The following POLD2 variants were observed in gnomAD, a reference collection of about 807,000 sequenced individuals.
POLD2 encodes the protein DNA polymerase delta 2, accessory subunit.
POLD2 carries 31 observed loss-of-function variants against 48.8 expected under a neutral mutation model. The ratio of observed to expected loss-of-function variants is 0.64; its 90% CI spans 0.48 to 0.86. The LOEUF (loss-of-function observed/expected upper bound fraction) is 0.86. Ranked by LOEUF, POLD2 falls within the 40% of genes least tolerant of loss-of-function variation. The pLI, the probability that POLD2 is intolerant of heterozygous loss-of-function variation, is 0.00. For missense variants in POLD2, 455 were observed against 610.1 expected, an observed-to-expected ratio of 0.75 and a Z score of 2.68; for synonymous variants, 233 against 256.3, an observed-to-expected ratio of 0.91 and a Z score of 0.87.
At chr7:44,115,158 C>T in intron 10 of POLD2, 137 bp downstream of exon 10, 1 of 762,650 alleles carries the variant, frequency 1.3e-6, no homozygotes, top group Non-Finnish European at 2.2e-6. Flanking sequence ...GAAATGGCAG[C>T]TGTGCAGAAG....
At chr7:44,123,765 C>T, upstream of POLD2, 2 of 1,285,706 alleles carry the variant, frequency 1.6e-6, no homozygotes, top group Non-Finnish European at 2.0e-6. Flanking sequence ...CGCCGCGGGT[C>T]TTTGGTTGGC....
intron 4 of POLD2, 85 bp downstream of exon 4, chr7:44,117,534 C>G: frequency 1.3e-6 from 2 of 1,511,236 alleles, no homozygotes; most frequent in South Asian, 2.5e-5. Context: ...CCACTCCCCC[C>G]AGGCTCCCCA....
Position 44,121,793 on chromosome 7 carries a change from G to T in POLD2, c.220+41C>A, listed in dbSNP as rs769168045. 1.3e-6 allele frequency: 2 copies of T among 1,583,586 alleles called. No individual in the cohort carries two copies. The highest frequency in any genetic ancestry group is 1.1e-5 in the South Asian group (1 of 87,612). The stretch of plus-strand genomic sequence containing the variant: ...CTCTTGCAGAACACTTCTAAGTTCA[G>T]GGATGCTGTGGGGGAAGCACCTTCC... On this transcript the variant is annotated intron_variant, in intron 2 of 10. Transcript: ENST00000610533. The surrounding 1 kb of genome is among the most constrained non-coding windows in gnomAD (Gnocchi z 4.5).
rs747183827 is a variant in POLD2 at position 44,121,932 on chromosome 7, A to G, written c.122T>C (p.Leu41Pro). 3 of 1,613,690 alleles carry G rather than the reference A, an allele frequency of 1.9e-6. No homozygotes were observed. Among genetic ancestry groups the G allele is most frequent in the Non-Finnish European group, 8.5e-7 (1 of 1,180,028 alleles). Reference sequence around the variant, plus strand: ...CTGCCGGCTAAAGCTGCGCTCTCCTAGCCGGAAGGGTTGTGAGGAGTTGGT... The same window carrying G: ...CTGCCGGCTAAAGCTGCGCTCTCCTGGCCGGAAGGGTTGTGAGGAGTTGGT... Reference protein sequence around the residue: ...TYTNSSQPFRLGERSFSRQYA... With the variant: ...TYTNSSQPFRPGERSFSRQYA... The change falls in exon 2 of 11, where the codon CTA (leucine) becomes CCA (proline). Residue 41 changes from leucine (L) to proline (P), a missense_variant. Leu to Pro is a moderately conservative substitution (Grantham distance 98). Around this residue, in one of 3 missense-constraint regions of POLD2, gnomAD observed 349 missense variants for 437.4 expected, o/e 0.80. Transcript: ENST00000610533. The surrounding 1 kb of genome is among the most constrained non-coding windows in gnomAD (Gnocchi z 4.5).
rs757506115 is a variant in POLD2 at position 44,117,255 on chromosome 7, GC to G, written c.467-9del. On this transcript the variant is annotated splice_polypyrimidine_tract_variant and intron_variant, in intron 4 of 10. Transcript: ENST00000610533. ...ACACAGCCAGGACAGTCCCTGGGGA[GC>G]AGTGGCATCAGGCCTGAGCAGGGAG... 37 of 1,605,404 alleles carry G rather than the reference GC, an allele frequency of 2.3e-5. No individual in the cohort carries two copies. Among genetic ancestry groups the G allele is most frequent in the Non-Finnish European group, 3.1e-5 (36 of 1,172,778 alleles).
chr7:44,120,740 A>C (rs1369881267), intron 2 of POLD2, among the ~76,000 whole-genome samples: 1 of 152,206 alleles, frequency 6.6e-6, no homozygotes, highest in East Asian at 1.9e-4. Context: ...CTATCATGTA[A>C]AAGAGCCTTG....
intron 4 of POLD2, 106 bp downstream of exon 4, chr7:44,117,513 G>T: frequency 7.1e-7 from 1 of 1,404,406 alleles, no homozygotes; most frequent in Non-Finnish European, 9.7e-7. Flanking sequence ...GTGTGCCCAG[G>T]CCACACCCCC....
At position 44,118,131 on chromosome 7, in the gene POLD2, C is replaced by T; in HGVS notation, c.221-67G>A. On this transcript the variant is annotated intron_variant, in intron 2 of 10. Transcript: ENST00000610533. ...CCCGCCCGACAGAGGCCATGGAGGC[C>T]CTGCCCAGCACTCCATGAGAGGCCA... 2.5e-6 allele frequency: 4 copies of T among 1,585,092 alleles called. No homozygotes were observed. In the Admixed American group the frequency reaches 5.1e-5, roughly 20 times the overall value.
At chr7:44,122,227 C>T (rs2096249279) in intron 1 of POLD2, 118 bp from the exon 2 acceptor site, 3 of 1,430,028 alleles carry the variant, frequency 2.1e-6, no homozygotes, top group Non-Finnish European at 2.7e-6. Flanking sequence ...CTGTAGTTGA[C>T]ACCAGACATT....
chr7:44,116,257 C>CCA lies in POLD2; in HGVS notation c.875_876dup (p.Asp293TrpfsTer3), dbSNP rs776001480. The CCA allele has an allele frequency of 2.5e-6, 4 of 1,610,408 alleles. No individual in the cohort carries two copies. The African/African-American group carries it at 5.3e-5, about 21-fold the overall frequency. On this transcript the variant is annotated frameshift_variant, in exon 8 of 11. Transcript: ENST00000610533. LOFTEE classifies it high-confidence loss of function. The surrounding 1 kb of genome is among the most constrained non-coding windows in gnomAD (Gnocchi z 6.1). ...GGATCAAACTCGCCTGGCATCACGT[C>CCA]CACGGGCACTGAGGCCTGGAAGGCA... is the stretch of plus-strand genomic sequence containing the variant.
At chr7:44,123,958 C>T (rs3757843), upstream of POLD2, among the ~76,000 whole-genome samples, 12,272 of 152,326 alleles carry the variant, frequency 0.081, 603 homozygotes, top group East Asian at 0.2. Flanking sequence ...GAGCTGCCCA[C>T]TTGTAGCGAT....
chr7:44,116,193 CA>C lies in POLD2; in HGVS notation c.940del (p.Cys314AlafsTer36), dbSNP rs894137670. 6.2e-7 allele frequency: 1 copy of C among 1,613,844 alleles called. No homozygotes were observed. ...YTLPQQPLHPCMFPLATAYST... is the reference protein window; with the variant it reads ...YTLPQQPLHPXMFPLATAYST... ...GTAGGCAGTGGCCAGCGGGAACATG[CA>C]GGGGTGGAGGGGCTGCTGGGGGAGC... is the stretch of plus-strand genomic sequence containing the variant. On this transcript the variant is annotated frameshift_variant, in exon 8 of 11. Transcript: ENST00000610533. LOFTEE classifies it high-confidence loss of function. This position sits in a 1 kb window ranked among gnomAD's most constrained non-coding sequence, Gnocchi z 6.1.
chr7:44,116,777 T>C lies in POLD2; in HGVS notation c.780+40A>G, dbSNP rs1334206786. On this transcript the variant is annotated intron_variant, in intron 6 of 10. Transcript: ENST00000610533. The surrounding 1 kb of genome is among the most constrained non-coding windows in gnomAD (Gnocchi z 6.1). ...AGGAGGGTCTTACAGGCTTGCAGGC[T>C]CCTGGGCTGGGGCTGAATGCAGCCA... is the stretch of plus-strand genomic sequence containing the variant. 1 of 1,602,938 alleles carries C rather than the reference T, an allele frequency of 6.2e-7. No individual in the cohort carries two copies. The highest frequency in any genetic ancestry group is 1.3e-5 in the African/African-American group (1 of 74,666).
Position 44,116,780 on chromosome 7 carries a change from T to G in POLD2, c.780+37A>C, listed in dbSNP as rs1168199489. On this transcript the variant is annotated intron_variant, in intron 6 of 10. Coordinates refer to ENST00000610533, the MANE Select transcript of POLD2 (RefSeq NM_006230.4). The surrounding 1 kb of genome is among the most constrained non-coding windows in gnomAD (Gnocchi z 6.1). ...AGGGTCTTACAGGCTTGCAGGCTCCTGGGCTGGGGCTGAATGCAGCCAGGT... is the reference window on the plus strand; with the variant it reads ...AGGGTCTTACAGGCTTGCAGGCTCCGGGGCTGGGGCTGAATGCAGCCAGGT... 1 of 1,605,920 alleles carries G rather than the reference T, an allele frequency of 6.2e-7. No individual in the cohort carries two copies. Among genetic ancestry groups the G allele is most frequent in the South Asian group, 1.1e-5 (1 of 90,866 alleles).
At position 44,123,491 on chromosome 7, in the gene POLD2, T is replaced by C. The variant is rs930226934; in HGVS notation, c.-57+20A>G. On this transcript the variant is annotated intron_variant, in intron 1 of 10. Coordinates refer to ENST00000610533, the MANE Select transcript of POLD2 (RefSeq NM_006230.4). ...GAACTGCCACCCCCAGCTGACCCCG[T>C]TTCCCTGGACCCCACTCACCGCGCG... The C allele has an allele frequency of 1.0e-5, 15 of 1,494,792 alleles. No homozygotes were observed. The highest frequency in any genetic ancestry group is 1.3e-5 in the Non-Finnish European group (15 of 1,130,036). The allele number at this position is 1,494,792 out of a possible 1,614,324, so 92.6% of individuals were successfully genotyped here. A position where few individuals can be genotyped will look rare whatever the true frequency, so the allele number is the denominator to read the frequency against.
In POLD2 at chr7:44,116,757, G is replaced by C; in HGVS notation, c.780+60C>G. 1.9e-6 allele frequency: 3 copies of C among 1,566,138 alleles called. No homozygotes were observed. Among genetic ancestry groups the C allele is most frequent in the Non-Finnish European group, 2.6e-6 (3 of 1,140,446 alleles). On this transcript the variant is annotated intron_variant, in intron 6 of 10. Coordinates refer to ENST00000610533, the MANE Select transcript of POLD2 (RefSeq NM_006230.4). This position sits in a 1 kb window ranked among gnomAD's most constrained non-coding sequence, Gnocchi z 6.1. The stretch of plus-strand genomic sequence containing the variant: ...TACCCTACTCGCCCTGGGGAAGGAG[G>C]GTCTTACAGGCTTGCAGGCTCCTGG...
Position 44,117,195 on chromosome 7 carries a change from C to T in POLD2, c.519G>A (p.Val173=), listed in dbSNP as rs778167770. 1.5e-5 allele frequency: 25 copies of T among 1,614,090 alleles called. No individual in the cohort carries two copies. The East Asian group carries it at 5.6e-4, about 36-fold the overall frequency. The part of the protein sequence containing the change: ...GSVRDDGKFL[V]EDYCFADLAP... The stretch of plus-strand genomic sequence containing the variant: ...CAAGGTCAGCAAAGCAATAGTCCTC[C>T]ACCAGAAACTTCCCGTCGTCTCTCA... The change falls in exon 5 of 11, where the codon GTG becomes GTA. Residue 173 remains valine (V), a synonymous_variant. Transcript: ENST00000610533.
At chr7:44,120,361 G>T (rs919583081) in intron 2 of POLD2, among the ~76,000 whole-genome samples, 3 of 152,156 alleles carry the variant, frequency 2.0e-5, no homozygotes, top group African/African-American at 4.8e-5. Context: ...TTGACATTGG[G>T]CCCAAGTAGT....
upstream of POLD2, chr7:44,123,594 G>C (rs1185604963): frequency 6.9e-7 from 1 of 1,443,610 alleles, no homozygotes; most frequent in Non-Finnish European, 9.0e-7. Flanking sequence ...CGGCTTCCCC[G>C]CCCATCGCCT....
Sources: gnomAD v4.1 joint callset for allele counts (sites outside exome capture counted in the v4.1 genomes callset) on GRCh38, gnomAD v4.1.1 for gene constraint, gnomAD v4.1.1 regional missense constraint, Gnocchi (gnomAD v3.1) non-coding constraint, MANE v1.5 for transcripts, NCBI Gene and HGNC (gene_info 2026-07-23, HGNC 2026-07-21) for gene names.